The following SIL1 variants were observed in gnomAD, a reference collection of about 807,000 sequenced individuals.
SIL1 encodes the protein nucleotide exchange factor SIL1.
Under a neutral mutation model 49.1 loss-of-function variants are expected in SIL1, and 40 were observed. That is an observed-to-expected ratio of 0.81 (90% confidence interval 0.63 to 1.06). The LOEUF is 1.06. SIL1 is among the 50% of genes least tolerant of loss of function. SIL1 has a pLI of 0.00. For synonymous variants in SIL1, 253 were observed against 250.8 expected (o/e 1.01, Z -0.08); for missense variants, 500 against 572.6 (o/e 0.87, Z 1.29).
chr5:139,009,809 G>A (rs1288784709), intron 7 of SIL1, among the ~76,000 whole-genome samples: 1 of 135,532 alleles, frequency 7.4e-6, no homozygotes, highest in Non-Finnish European at 1.6e-5. Context: ...CTTCTGGCTT[G>A]TAGGGTTTCT....
intron 5 of SIL1, chr5:139,035,459 C>T: frequency 1.9e-6 from 1 of 539,172 alleles, no homozygotes; most frequent in Non-Finnish European, 3.7e-6. Flanking sequence ...TCTGAATGGC[C>T]AGTTTCACTG....
intron 1 of SIL1, among the ~76,000 whole-genome samples, chr5:139,185,714 A>G (rs967571521): frequency 2.0e-5 from 3 of 152,214 alleles, no homozygotes; most frequent in Non-Finnish European, 4.4e-5. Context: ...TTTCTCATGT[A>G]GTCTGCCCGA....
intron 1 of SIL1, among the ~76,000 whole-genome samples, chr5:139,175,139 T>C (rs955380006): frequency 3.9e-5 from 6 of 152,056 alleles, no homozygotes; most frequent in East Asian, 1.9e-4. Context: ...CTGGCCAAGA[T>C]GGCAAAACCC....
chr5:138,955,882 C>T (rs1358103432), intron 7 of SIL1, among the ~76,000 whole-genome samples: 2 of 152,160 alleles, frequency 1.3e-5, no homozygotes, highest in East Asian at 3.9e-4. Context: ...ACCGGAACAA[C>T]AAGGGCTGAA....
intron 1 of SIL1, among the ~76,000 whole-genome samples, chr5:139,130,823 A>T (rs898050809): frequency 5.3e-5 from 8 of 152,282 alleles, no homozygotes; most frequent in African/African-American, 1.9e-4. Flanking sequence ...TACATGCTGC[A>T]ACATGGAAGC....
chr5:139,026,399 C>T (rs1768650381), intron 6 of SIL1, among the ~76,000 whole-genome samples: 1 of 152,010 alleles, frequency 6.6e-6, no homozygotes, highest in Non-Finnish European at 1.5e-5. Flanking sequence ...GTTAGGAGTT[C>T]AAGACCAGCC....
At position 139,169,244 on chromosome 5, in the gene SIL1, G is replaced by C. The variant is rs556414858; in HGVS notation, c.-11+29025C>G. Among the ~76,000 whole-genome samples, 25 of 152,298 alleles carry C rather than the reference G, an allele frequency of 1.6e-4. No individual in the cohort carries two copies. In the South Asian group the frequency reaches 4.1e-3, roughly 25 times the overall value. On this transcript the variant is annotated intron_variant, in intron 1 of 9. Transcript: ENST00000394817. ...CCCAGGGGAAAGTGCAGGCTCAAAA[G>C]AGACCTGAGAAGACCTTAAGTTTAC...
intron 7 of SIL1, among the ~76,000 whole-genome samples, chr5:139,008,689 A>C (rs993170215): frequency 2.7e-5 from 4 of 149,700 alleles, no homozygotes; most frequent in Non-Finnish European, 5.9e-5. Context: ...TTCAAAGAAC[A>C]TCTTTATTTC....
intron 1 of SIL1, among the ~76,000 whole-genome samples, chr5:139,134,406 G>A (rs1750931446): frequency 6.6e-6 from 1 of 152,160 alleles, no homozygotes; most frequent in Non-Finnish European, 1.5e-5. Flanking sequence ...AAAGTGTTGG[G>A]ATTACAGTCC....
At chr5:139,100,921 A>AT (rs146673755) in intron 3 of SIL1, among the ~76,000 whole-genome samples, 62 of 152,074 alleles carry the variant, frequency 4.1e-4, no homozygotes, top group African/African-American at 1.4e-3. Flanking sequence ...TAGGTTGGAG[A>AT]TAAAAAAAAA....
chr5:139,039,433 T>C (rs1172798622), intron 5 of SIL1, among the ~76,000 whole-genome samples: 1 of 152,204 alleles, frequency 6.6e-6, no homozygotes, highest in Non-Finnish European at 1.5e-5. Context: ...TTCTATCCTG[T>C]TAGGATGCCC....
chr5:139,173,384 T>C (rs949753790), intron 1 of SIL1, among the ~76,000 whole-genome samples: 2 of 151,736 alleles, frequency 1.3e-5, no homozygotes, highest in Non-Finnish European at 2.9e-5. Context: ...ACCCCATCTC[T>C]ACTAAAAATA....
chr5:139,186,271 A>AT (rs1374989938), intron 1 of SIL1, among the ~76,000 whole-genome samples: 1 of 152,218 alleles, frequency 6.6e-6, no homozygotes, highest in Non-Finnish European at 1.5e-5. Context: ...AACCCAAGAG[A>AT]TTAAGTCACT....
intron 7 of SIL1, 169 bp downstream of exon 7, chr5:139,021,002 G>C (rs1044062892): frequency 1.2e-6 from 1 of 852,830 alleles, no homozygotes; most frequent in African/African-American, 1.7e-5. Flanking sequence ...GTGACAACAT[G>C]GGTAAAAATT....
At chr5:139,019,367 T>C (rs1195568975) in intron 7 of SIL1, among the ~76,000 whole-genome samples, 1 of 152,192 alleles carries the variant, frequency 6.6e-6, no homozygotes, top group Non-Finnish European at 1.5e-5. Context: ...ATTTCCATGG[T>C]GTTTGGGAGC....
intron 2 of SIL1, among the ~76,000 whole-genome samples, chr5:139,127,110 AG>A (rs944079769): frequency 6.6e-6 from 1 of 152,236 alleles, no homozygotes; most frequent in Non-Finnish European, 1.5e-5. Context: ...TGGCAATGGC[AG>A]AAGCCCTGAG....
At chr5:139,041,606 G>A (rs1769049274) in intron 5 of SIL1, among the ~76,000 whole-genome samples, 1 of 151,864 alleles carries the variant, frequency 6.6e-6, no homozygotes, top group Non-Finnish European at 1.5e-5. Flanking sequence ...GAGTTCGAGA[G>A]CAACCTGGCC....
intron 7 of SIL1, among the ~76,000 whole-genome samples, chr5:138,986,983 T>A (rs1581008214): frequency 6.6e-6 from 1 of 152,162 alleles, no homozygotes; most frequent in East Asian, 1.9e-4. Flanking sequence ...AAAGACTCAA[T>A]TTGTCCTTGG....
At position 139,057,314 on chromosome 5, in the gene SIL1, T is replaced by TTAAAAA. The variant is rs781049621; in HGVS notation, c.245-6269_245-6268insTTTTTA. Among the ~76,000 whole-genome samples the TTAAAAA allele has an allele frequency of 2.9e-3, 213 of 73,292 alleles. 22 individuals are homozygous for TTAAAAA. Among genetic ancestry groups the TTAAAAA allele is most frequent in the African/African-American group, 6.1e-3 (101 of 16,554 alleles). The allele number at this position is 73,292 out of a possible 152,430, so 48.1% of individuals were successfully genotyped here. On this transcript the variant is annotated intron_variant, in intron 3 of 9. Transcript: ENST00000394817. ...GCGAGAAACACCCAAGAATGATCAA[T>TTAAAAA]AAAAAAAAAAAAAAGAAAAGAAAAG...
Sources: gnomAD v4.1 joint callset for allele counts (sites outside exome capture counted in the v4.1 genomes callset) on GRCh38, gnomAD v4.1.1 for gene constraint, MANE v1.5 for transcripts, NCBI Gene and HGNC (gene_info 2026-07-23, HGNC 2026-07-21) for gene names.